The following SGCZ variants were observed in gnomAD, a reference collection of about 807,000 sequenced individuals.
SGCZ encodes the protein zeta-sarcoglycan.
Under a neutral mutation model 41.3 loss-of-function variants are expected in SGCZ, and 40 were observed. That is an observed-to-expected ratio of 0.97 (90% confidence interval 0.75 to 1.26). SGCZ has a LOEUF of 1.26. SGCZ is among the 50% of genes most tolerant of loss of function. SGCZ has a pLI of 0.00. For synonymous variants in SGCZ, 206 were observed against 137.5 expected, an observed-to-expected ratio of 1.50 and a Z score of -3.49; for missense variants, 552 against 369.8, an observed-to-expected ratio of 1.49 and a Z score of -4.04.
intron 1 of SGCZ, among the ~76,000 whole-genome samples, chr8:15,052,257 C>G (rs1037501034): frequency 1.3e-5 from 2 of 152,188 alleles, no homozygotes; most frequent in African/African-American, 4.8e-5. Context: ...AGTCCTCCAG[C>G]TGTGAGGGCT....
chr8:14,872,462 A>G (rs773815426), intron 1 of SGCZ, among the ~76,000 whole-genome samples: 1 of 152,128 alleles, frequency 6.6e-6, no homozygotes, highest in East Asian at 1.9e-4. Context: ...GACTCTTCTG[A>G]GAAAATATGC....
intron 1 of SGCZ, among the ~76,000 whole-genome samples, chr8:15,126,826 A>G (rs1807708140): frequency 6.6e-6 from 1 of 152,118 alleles, no homozygotes; most frequent in Non-Finnish European, 1.5e-5. Flanking sequence ...GATAATAGCC[A>G]ATTTGACAGA....
chr8:15,216,475 C>T (rs952619468), intron 1 of SGCZ, among the ~76,000 whole-genome samples: 2 of 151,950 alleles, frequency 1.3e-5, no homozygotes, highest in Non-Finnish European at 2.9e-5. Flanking sequence ...CCACCTGGGG[C>T]TCCCAAAGTG....
chr8:14,627,539 G>T (rs1269119616), intron 1 of SGCZ, among the ~76,000 whole-genome samples: 20 of 152,034 alleles, frequency 1.3e-4, no homozygotes, highest in Admixed American at 1.2e-3. Flanking sequence ...GAAAGATCCT[G>T]AAAACATTAT....
intron 1 of SGCZ, among the ~76,000 whole-genome samples, chr8:14,990,092 G>C (rs1007235677): frequency 6.6e-6 from 1 of 152,106 alleles, no homozygotes; most frequent in Non-Finnish European, 1.5e-5. Flanking sequence ...CAAAATCATG[G>C]TCAAACGTTG....
chr8:14,802,001 T>A (rs1801335649), intron 1 of SGCZ, among the ~76,000 whole-genome samples: 1 of 152,148 alleles, frequency 6.6e-6, no homozygotes, highest in African/African-American at 2.4e-5. Flanking sequence ...GGAGCACTTT[T>A]AAAATATGGA....
intron 2 of SGCZ, among the ~76,000 whole-genome samples, chr8:14,508,017 C>T (rs1423063813): frequency 1.3e-5 from 2 of 151,962 alleles, no homozygotes; most frequent in African/African-American, 4.8e-5. Context: ...GTGATCTGGC[C>T]GCCTCGGCCT....
Position 15,079,105 on chromosome 8 carries a change from G to A in SGCZ, c.39+158480C>T, listed in dbSNP as rs967022624. 3.9e-5 allele frequency among the ~76,000 whole-genome samples: 6 copies of A among 152,016 alleles called. No homozygotes were observed. The East Asian group carries it at 7.7e-4, about 20-fold the overall frequency. On this transcript the variant is annotated intron_variant, in intron 1 of 7. Coordinates refer to ENST00000382080, the MANE Select transcript of SGCZ (RefSeq NM_139167.4). Reference sequence around the variant, plus strand: ...CCCAAATCTAGCCTCTAAAAGATCCGTAACTTTTACATTGTCAGGCTTTAT... The same window carrying A: ...CCCAAATCTAGCCTCTAAAAGATCCATAACTTTTACATTGTCAGGCTTTAT...
At chr8:14,283,540 C>T (rs1415673606) in intron 3 of SGCZ, among the ~76,000 whole-genome samples, 2 of 152,124 alleles carry the variant, frequency 1.3e-5, no homozygotes, top group African/African-American at 4.8e-5. Flanking sequence ...TTTTCATGAG[C>T]CATTTGAGAG....
intron 5 of SGCZ, among the ~76,000 whole-genome samples, chr8:14,158,467 C>T (rs1180832334): frequency 6.6e-6 from 1 of 152,036 alleles, no homozygotes; most frequent in Admixed American, 6.6e-5. Flanking sequence ...GGTTAGTCTG[C>T]CTCTCCCAGT....
At position 14,336,323 on chromosome 8, in the gene SGCZ, G is replaced by A. The variant is rs145125332; in HGVS notation, c.235-12119C>T. On this transcript the variant is annotated intron_variant, in intron 2 of 7. Coordinates refer to ENST00000382080, the MANE Select transcript of SGCZ (RefSeq NM_139167.4). ...ATTTTTTATTCAGTCTACAAATGAT[G>A]GGCATTCAGCCTGCTATTGATGGGC... Among the ~76,000 whole-genome samples, 1,214 of 152,090 alleles carry A rather than the reference G, an allele frequency of 8.0e-3. 10 individuals are homozygous for A. Among genetic ancestry groups the A allele is most frequent in the South Asian group, 0.02 (98 of 4,822 alleles).
chr8:14,558,953 C>T lies in SGCZ; in HGVS notation c.40-4027G>A, dbSNP rs183041419. Among the ~76,000 whole-genome samples the T allele has an allele frequency of 5.3e-3, 809 of 152,058 alleles. 4 individuals carry two copies. Among genetic ancestry groups the T allele is most frequent in the Middle Eastern group, 0.01 (3 of 294 alleles). ...ATCCCTTTATGATTAAAACCCTCAACAAAACTGGCACAGAAGGGACATACC... is the reference window on the plus strand; with the variant it reads ...ATCCCTTTATGATTAAAACCCTCAATAAAACTGGCACAGAAGGGACATACC... On this transcript the variant is annotated intron_variant, in intron 1 of 7. Transcript: ENST00000382080.
chr8:14,164,465 T>A (rs1585193209), intron 5 of SGCZ, 115 bp downstream of exon 5: 4 of 1,261,514 alleles, frequency 3.2e-6, no homozygotes, highest in East Asian at 2.4e-5. Context: ...AACGTTGTGA[T>A]TATGTAAGAC....
At chr8:14,174,360 A>G (rs972517324) in intron 4 of SGCZ, among the ~76,000 whole-genome samples, 9 of 152,182 alleles carry the variant, frequency 5.9e-5, no homozygotes, top group Non-Finnish European at 8.8e-5. Context: ...ATTATTTTAC[A>G]AGGATGCCAA....
At chr8:14,669,357 C>CTAAGTAAGTAAGTAAGTAAG (rs75686503) in intron 1 of SGCZ, among the ~76,000 whole-genome samples, 7,947 of 146,496 alleles carry the variant, frequency 0.054, 261 homozygotes, top group Middle Eastern at 0.11. Flanking sequence ...GACCCTGTCT[C>CTAAGTAAGTAAGTAAGTAAG]TAAGTAAGTA....
intron 1 of SGCZ, among the ~76,000 whole-genome samples, chr8:14,961,740 G>T (rs573889391): frequency 6.6e-6 from 1 of 152,080 alleles, no homozygotes; most frequent in South Asian, 2.1e-4. Context: ...CACAAGAAGA[G>T]AAAAGGCACG....
At chr8:14,900,555 C>T (rs980996344) in intron 1 of SGCZ, among the ~76,000 whole-genome samples, 1 of 152,128 alleles carries the variant, frequency 6.6e-6, no homozygotes, top group Admixed American at 6.5e-5. Context: ...AGCTGAATGA[C>T]AGCCCTGATT....
At chr8:14,628,220 A>T (rs1432990777) in intron 1 of SGCZ, among the ~76,000 whole-genome samples, 1 of 152,136 alleles carries the variant, frequency 6.6e-6, no homozygotes, top group Non-Finnish European at 1.5e-5. Context: ...AAGTCATCTA[A>T]AAAAGATCCC....
In SGCZ at chr8:15,174,919, GT is replaced by G. The variant is rs1360146829; in HGVS notation, c.39+62665del. 6.6e-3 allele frequency among the ~76,000 whole-genome samples: 1,003 copies of G among 152,202 alleles called. 12 individuals are homozygous for G. The highest frequency in any genetic ancestry group is 0.023 in the African/African-American group (964 of 41,520). ...GGGAGGAGTGTAAATTAATTCAACT[GT>G]CATGGAAAACAGTGTGGCGATTCCT... On this transcript the variant is annotated intron_variant, in intron 1 of 7. Coordinates refer to ENST00000382080, the MANE Select transcript of SGCZ (RefSeq NM_139167.4).
Sources: allele counts gnomAD v4.1 joint callset (sites outside exome capture counted in the v4.1 genomes callset), GRCh38; gene constraint gnomAD v4.1.1; transcripts MANE v1.5; gene names NCBI Gene and HGNC (gene_info 2026-07-23, HGNC 2026-07-21).